The following MCC variants were observed in gnomAD, a reference collection of about 807,000 sequenced individuals.
The protein encoded by MCC is MCC regulator of Wnt signaling pathway, also known as colorectal mutant cancer protein.
MCC carries 90 observed loss-of-function variants against 116.2 expected under a neutral mutation model. The observed-to-expected ratio is 0.77, with a 90% confidence interval of 0.65 to 0.92. The LOEUF is 0.92. Among genes scored for constraint, MCC ranks in the 40% least tolerant of loss-of-function variants. The probability of loss-of-function intolerance (pLI) is 0.00; values close to 1 mark genes in which losing one functional copy is unlikely to be tolerated. For synonymous variants in MCC, 578 were observed against 510.5 expected, an observed-to-expected ratio of 1.13 and a Z score of -1.78; for missense variants, 1,516 against 1,312.2, an observed-to-expected ratio of 1.16 and a Z score of -2.40.
intron 1 of MCC, among the ~76,000 whole-genome samples, chr5:113,415,715 T>A (rs1770126088): frequency 6.6e-6 from 1 of 152,220 alleles, no homozygotes; most frequent in Admixed American, 6.5e-5. Context: ...GGTTCGAACA[T>A]CCTCCTTTAG....
chr5:113,087,423 G>C (rs546776386), intron 8 of MCC, among the ~76,000 whole-genome samples: 1 of 152,288 alleles, frequency 6.6e-6, no homozygotes, highest in East Asian at 1.9e-4. Flanking sequence ...TATCCCTGTA[G>C]AAGCCAAATG....
At chr5:113,165,400 T>C (rs1760714707) in intron 3 of MCC, among the ~76,000 whole-genome samples, 1 of 152,234 alleles carries the variant, frequency 6.6e-6, no homozygotes. Flanking sequence ...GTATCACATA[T>C]TGTCTTGCCA....
intron 4 of MCC, among the ~76,000 whole-genome samples, chr5:113,143,739 A>G (rs1440847799): frequency 2.0e-5 from 3 of 152,190 alleles, no homozygotes; most frequent in African/African-American, 7.2e-5. Context: ...CAATGGATGT[A>G]AGGTTGCATG....
At chr5:113,297,616 ATGTAGTCCCAGC>A (rs1341795959) in intron 3 of MCC, among the ~76,000 whole-genome samples, 3 of 151,582 alleles carry the variant, frequency 2.0e-5, no homozygotes, top group Admixed American at 6.6e-5. Flanking sequence ...GGTGTGCACC[ATGTAGTCCCAGC>A]TGTAGTCCCA....
chr5:113,039,856 T>C (rs1199842711), intron 17 of MCC, among the ~76,000 whole-genome samples: 1 of 151,962 alleles, frequency 6.6e-6, no homozygotes, highest in Non-Finnish European at 1.5e-5. Context: ...ACCATGTGAG[T>C]ACAAAAAAGG....
chr5:113,069,872 C>T (rs1753911151), intron 12 of MCC, among the ~76,000 whole-genome samples: 1 of 152,216 alleles, frequency 6.6e-6, no homozygotes, highest in Non-Finnish European at 1.5e-5. Flanking sequence ...AGGCGTGAGC[C>T]ACCGCGCCCA....
intron 7 of MCC, among the ~76,000 whole-genome samples, chr5:113,102,379 T>C (rs1175517856): frequency 6.6e-6 from 1 of 152,254 alleles, no homozygotes; most frequent in Non-Finnish European, 1.5e-5. Context: ...TGAAGTTTCC[T>C]AAATTATAGG....
chr5:113,085,038 G>C lies in MCC; in HGVS notation c.1545+126C>G, dbSNP rs534431217. The C allele has an allele frequency of 1.8e-5, 23 of 1,302,126 alleles. No individual in the cohort carries two copies. In the East Asian group the frequency reaches 5.1e-4, roughly 29 times the overall value. 80.7% of individuals were successfully genotyped at this position (1,302,126 alleles called of 1,614,324 possible). The stretch of plus-strand genomic sequence containing the variant: ...GCTCCTGCATAGAAGGCCTGCGTAA[G>C]GTCCCAGGGGAAGCCCCTTGTGCTG... On this transcript the variant is annotated intron_variant, in intron 9 of 18. Transcript: ENST00000408903.
At chr5:113,479,489 G>A (rs1407736370) in intron 1 of MCC, among the ~76,000 whole-genome samples, 1 of 152,006 alleles carries the variant, frequency 6.6e-6, no homozygotes, top group Non-Finnish European at 1.5e-5. Context: ...CTGCATATCG[G>A]TTAGCTCTTC....
chr5:113,132,423 C>CACACAT (rs1561384956), intron 5 of MCC, among the ~76,000 whole-genome samples: 1 of 130,188 alleles, frequency 7.7e-6, no homozygotes, highest in African/African-American at 3.2e-5. Flanking sequence ...TATATACACA[C>CACACAT]ATACATATAT....
At chr5:113,039,701 C>A in intron 17 of MCC, among the ~76,000 whole-genome samples, 1 of 144,654 alleles carries the variant, frequency 6.9e-6, no homozygotes, top group Non-Finnish European at 1.5e-5. Flanking sequence ...GCCTTGCCGT[C>A]CCACTCCGCG....
chr5:113,224,132 T>G (rs1763648251), intron 3 of MCC, among the ~76,000 whole-genome samples: 1 of 152,152 alleles, frequency 6.6e-6, no homozygotes, highest in South Asian at 2.1e-4. Flanking sequence ...ACTCACTCTG[T>G]CACCCAGGCT....
At chr5:113,031,671 T>G (rs1379863669) in intron 17 of MCC, among the ~76,000 whole-genome samples, 1 of 152,000 alleles carries the variant, frequency 6.6e-6, no homozygotes, top group Non-Finnish European at 1.5e-5. Context: ...CCTAGAGCAG[T>G]CAAATCCCCT....
chr5:113,272,669 T>C (rs892605904), intron 3 of MCC, among the ~76,000 whole-genome samples: 30 of 152,222 alleles, frequency 2.0e-4, no homozygotes, highest in Admixed American at 1.8e-3. Flanking sequence ...ATCAGAATTC[T>C]AGCAACACCA....
intron 1 of MCC, among the ~76,000 whole-genome samples, chr5:113,484,238 C>A (rs1772455827): frequency 6.6e-6 from 1 of 151,774 alleles, no homozygotes; most frequent in African/African-American, 2.4e-5. Flanking sequence ...CACAAGTTTA[C>A]CTATGGAAAA....
intron 3 of MCC, among the ~76,000 whole-genome samples, chr5:113,215,625 G>C (rs556332145): frequency 1.3e-5 from 2 of 152,314 alleles, no homozygotes; most frequent in African/African-American, 4.8e-5. Context: ...TGAGGACACA[G>C]TGTTCTTCCC....
At chr5:113,283,754 A>C (rs1334774384) in intron 3 of MCC, among the ~76,000 whole-genome samples, 24 of 152,164 alleles carry the variant, frequency 1.6e-4, no homozygotes, top group Admixed American at 1.6e-3. Context: ...CCCTAAAACC[A>C]CAGTTAAAGC....
In MCC at chr5:113,340,609, CAA is replaced by C; in HGVS notation, c.535_536del (p.Leu179AlafsTer47). On this transcript the variant is annotated frameshift_variant, in exon 3 of 19. Coordinates refer to ENST00000408903, the MANE Select transcript of MCC (RefSeq NM_001085377.2). LOFTEE classifies it high-confidence loss of function. ...GTTTGTGGAGAGCAGCCTGCTGATGCAAAGAGCTTCCGCCATACTCGAGCAGC... is the reference window on the plus strand; with the variant it reads ...GTTTGTGGAGAGCAGCCTGCTGATGCAGAGCTTCCGCCATACTCGAGCAGC... ...QKLLEYGGSSLHQQAALHKLL... is the reference protein window; with the variant it reads ...QKLLEYGGSSXHQQAALHKLL... 1 of 1,614,174 alleles carries C rather than the reference CAA, an allele frequency of 6.2e-7. No homozygotes were observed. Among genetic ancestry groups the C allele is most frequent in the Non-Finnish European group, 8.5e-7 (1 of 1,180,026 alleles).
chr5:113,054,426 C>T (rs1321278383), intron 14 of MCC, among the ~76,000 whole-genome samples: 1 of 152,172 alleles, frequency 6.6e-6, no homozygotes, highest in East Asian at 1.9e-4. Context: ...CTCATGTGGT[C>T]AGAACTTAAA....
Sources: allele counts gnomAD v4.1 joint callset (sites outside exome capture counted in the v4.1 genomes callset), GRCh38; gene constraint gnomAD v4.1.1; transcripts MANE v1.5; gene names NCBI Gene and HGNC (gene_info 2026-07-23, HGNC 2026-07-21).